The following STXBP5 variants were observed in gnomAD, a reference collection of about 807,000 sequenced individuals.
STXBP5 encodes syntaxin binding protein 5.
A neutral mutation model predicts 152.4 loss-of-function variants in STXBP5; 50 were observed. That is an observed-to-expected ratio of 0.33 (90% CI 0.26 to 0.42). STXBP5 has a LOEUF of 0.42. Ranked by LOEUF, STXBP5 falls within the 10% of genes least tolerant of loss-of-function variation. STXBP5 has a pLI of 1.00. For synonymous variants in STXBP5, 492 were observed against 494.7 expected, an observed-to-expected ratio of 0.99 and a Z score of 0.07; for missense variants, 1,167 against 1,388.6, an observed-to-expected ratio of 0.84 and a Z score of 2.54.
chr6:147,302,492 AAC>A (rs1157873735), intron 9 of STXBP5, among the ~76,000 whole-genome samples: 1 of 152,114 alleles, frequency 6.6e-6, no homozygotes, highest in Non-Finnish European at 1.5e-5. Flanking sequence ...CATCATTTCA[AAC>A]ACAAGCCAGG....
chr6:147,368,491 G>A (rs1315153215), intron 25 of STXBP5, among the ~76,000 whole-genome samples: 1 of 152,104 alleles, frequency 6.6e-6, no homozygotes, highest in Non-Finnish European at 1.5e-5. Context: ...TAAAGGACAT[G>A]TAAGAAAAAC....
At chr6:147,345,267 G>A (rs542019967) in intron 21 of STXBP5, among the ~76,000 whole-genome samples, 2 of 152,072 alleles carry the variant, frequency 1.3e-5, no homozygotes, top group Non-Finnish European at 1.5e-5. Flanking sequence ...TATATAGAGC[G>A]TTTACAAGAT....
intron 6 of STXBP5, among the ~76,000 whole-genome samples, chr6:147,266,880 C>G (rs1020755560): frequency 6.6e-6 from 1 of 152,068 alleles, no homozygotes; most frequent in African/African-American, 2.4e-5. Context: ...TGTTGAGTCC[C>G]TAATCATCAA....
At position 147,204,698 on chromosome 6, in the gene STXBP5, A is replaced by C. The variant is rs1776445801; in HGVS notation, c.150+16A>C. ...GCTCTGCAAGGTGAACGGAGCGCGC[A>C]GCCCCGCGACACCGTCATTGAAAAA... On this transcript the variant is annotated intron_variant, in intron 1 of 27. Transcript: ENST00000321680. This position sits in a 1 kb window ranked among gnomAD's most constrained non-coding sequence, Gnocchi z 4.3. The C allele has an allele frequency of 6.5e-7, 1 of 1,548,910 alleles. No individual in the cohort carries two copies. Among genetic ancestry groups the C allele is most frequent in the African/African-American group, 1.4e-5 (1 of 71,736 alleles).
At chr6:147,380,978 G>A (rs56837006) in intron 26 of STXBP5, among the ~76,000 whole-genome samples, 3,261 of 152,240 alleles carry the variant, frequency 0.021, 68 homozygotes, top group African/African-American at 0.058. Context: ...CAATCATGGC[G>A]GAAGACCAAG....
intron 18 of STXBP5, among the ~76,000 whole-genome samples, chr6:147,331,845 G>A (rs1250703866): frequency 6.8e-6 from 1 of 147,172 alleles, no homozygotes; most frequent in Admixed American, 6.8e-5. Context: ...AACTCTAAGA[G>A]TGGCAATTAA....
intron 25 of STXBP5, among the ~76,000 whole-genome samples, chr6:147,370,849 A>T (rs1414306524): frequency 6.6e-6 from 1 of 152,040 alleles, no homozygotes; most frequent in Non-Finnish European, 1.5e-5. Flanking sequence ...TTTCAGACTC[A>T]ATACTCTTAC....
chr6:147,228,392 G>GT lies in STXBP5; in HGVS notation c.249-6849dup, dbSNP rs539784846. On this transcript the variant is annotated intron_variant, in intron 2 of 27. Coordinates refer to ENST00000321680, the MANE Select transcript of STXBP5 (RefSeq NM_001127715.4). Reference sequence around the variant, plus strand: ...TTTCTTTGCAAGTGGTCGCTTGTTTGTTTTTTTTTGTTTCTTTTTACCTGG... The same window carrying GT: ...TTTCTTTGCAAGTGGTCGCTTGTTTGTTTTTTTTTTGTTTCTTTTTACCTGG... Among the ~76,000 whole-genome samples the GT allele has an allele frequency of 4.2e-3, 634 of 150,232 alleles. 3 individuals are homozygous for GT. The highest frequency in any genetic ancestry group is 5.4e-3 in the Non-Finnish European group (364 of 67,424).
At chr6:147,259,951 G>GA (rs1202096912) in intron 4 of STXBP5, among the ~76,000 whole-genome samples, 1 of 152,086 alleles carries the variant, frequency 6.6e-6, no homozygotes, top group Non-Finnish European at 1.5e-5. Context: ...ATTTGTTAAT[G>GA]AAGGCCTGCC....
In STXBP5 at chr6:147,387,901, G is replaced by C. The variant is rs957038007; in HGVS notation, c.*3146G>C. ...AGTGTTACATACTTTTAGGTTACAG[G>C]GGTGCTGGGGAGACAGCTGAGGAAA... On this transcript the variant is annotated 3_prime_UTR_variant, in exon 28 of 28. Coordinates refer to ENST00000321680, the MANE Select transcript of STXBP5 (RefSeq NM_001127715.4). 1.3e-5 allele frequency: 2 copies of C among 151,664 alleles called. No individual in the cohort carries two copies. The highest frequency in any genetic ancestry group is 1.3e-4 in the Admixed American group (2 of 15,192). 9.4% of individuals were successfully genotyped at this position (151,664 alleles called of 1,614,324 possible). A position where few individuals can be genotyped will look rare whatever the true frequency, so the allele number is the denominator to read the frequency against.
chr6:147,267,205 C>A lies in STXBP5; in HGVS notation c.714+38C>A, dbSNP rs527445122. On this transcript the variant is annotated intron_variant, in intron 7 of 27. Transcript: ENST00000321680. ...TTGCTAGTAAAAGCTATGGTCATTT[C>A]TCTCATATAAAGCAGTTTCTCTAAA... The A allele has an allele frequency of 2.0e-6, 3 of 1,521,414 alleles. No homozygotes were observed. In the South Asian group the frequency reaches 3.8e-5, roughly 19 times the overall value. 94.2% of individuals were successfully genotyped at this position (1,521,414 alleles called of 1,614,324 possible).
At chr6:147,211,786 GT>G (rs1776868700) in intron 2 of STXBP5, among the ~76,000 whole-genome samples, 2 of 152,080 alleles carry the variant, frequency 1.3e-5, no homozygotes, top group East Asian at 3.9e-4. Context: ...TCACCATATT[GT>G]CCAGGCTGGT....
intron 4 of STXBP5, 44 bp from the exon 5 acceptor site, chr6:147,260,571 G>T: frequency 6.2e-7 from 1 of 1,611,504 alleles, no homozygotes; most frequent in East Asian, 2.2e-5. Flanking sequence ...AGTAAAATTT[G>T]CCATTTTTCA....
chr6:147,366,700 A>T (rs1036543890), intron 25 of STXBP5, among the ~76,000 whole-genome samples: 8 of 152,196 alleles, frequency 5.3e-5, no homozygotes, highest in Non-Finnish European at 2.9e-5. Flanking sequence ...CCAGAGCAAG[A>T]TACTTAATCA....
At chr6:147,304,025 G>A (rs543673951) in intron 9 of STXBP5, among the ~76,000 whole-genome samples, 5 of 152,262 alleles carry the variant, frequency 3.3e-5, no homozygotes, top group African/African-American at 1.2e-4. Flanking sequence ...TTCTAGAAAA[G>A]AAAAACCCAT....
rs548401732 is a variant in STXBP5, at chr6:147,241,710, T to C, written c.431+2440T>C. Among the ~76,000 whole-genome samples, 4 of 152,266 alleles carry C rather than the reference T, an allele frequency of 2.6e-5. No homozygotes were observed. The South Asian group carries it at 6.2e-4, about 24-fold the overall frequency. ...AGCATCTTATAGATTAGGGATGTTA[T>C]AGCTGTCATAACATCATAGCATCTT... On this transcript the variant is annotated intron_variant, in intron 4 of 27. Transcript: ENST00000321680.
intron 4 of STXBP5, among the ~76,000 whole-genome samples, chr6:147,249,025 C>T (rs1778959264): frequency 6.6e-6 from 1 of 152,156 alleles, no homozygotes; most frequent in African/African-American, 2.4e-5. Context: ...TTCAGACCTA[C>T]AGCCACAGAT....
intron 2 of STXBP5, among the ~76,000 whole-genome samples, chr6:147,215,707 AATAC>A (rs1324977112): frequency 6.6e-6 from 1 of 152,116 alleles, no homozygotes; most frequent in Non-Finnish European, 1.5e-5. Flanking sequence ...AATTTTTAAT[AATAC>A]ATAGTAACTC....
At chr6:147,292,422 G>T in intron 9 of STXBP5, 1 of 264,478 alleles carries the variant, frequency 3.8e-6, no homozygotes, top group Non-Finnish European at 7.4e-6. Flanking sequence ...TGACATAGAT[G>T]GATAAAATGT....
Sources: allele counts gnomAD v4.1 joint callset (sites outside exome capture counted in the v4.1 genomes callset), GRCh38; gene constraint gnomAD v4.1.1; non-coding constraint Gnocchi (gnomAD v3.1); transcripts MANE v1.5; gene names NCBI Gene and HGNC (gene_info 2026-07-23, HGNC 2026-07-21).